Variants in ARSL observed in about 807,000 individuals in gnomAD.
ARSL encodes the protein arylsulfatase E (chondrodysplasia punctata 1).
A neutral mutation model predicts 31.1 loss-of-function variants in ARSL; 4 were observed. That is an observed-to-expected ratio of 0.13 (90% CI 0.06 to 0.29). The LOEUF (loss-of-function observed/expected upper bound fraction) is 0.29, where lower values mean the gene tolerates loss of function less well. Ranked by LOEUF, ARSL falls within the 10% of genes least tolerant of loss-of-function variation. The pLI is 1.00. For missense variants in ARSL, 312 were observed against 497.8 expected (o/e 0.63, Z 3.55); for synonymous variants, 198 against 209.9 (o/e 0.94, Z 0.49).
chrX:2,943,790 C>T (rs1248040334), intron 7 of ARSL, among the ~76,000 whole-genome samples: 1 of 100,234 alleles, frequency 1.0e-5, no homozygotes, highest in Admixed American at 1.1e-4. Context: ...TGTGAATATT[C>T]CTGAGAAGAA....
In ARSL at chrX:2,941,247, CTTTTTTTT is replaced by C. The variant is rs200569564; in HGVS notation, c.1126+1810_1126+1817del. Among the ~76,000 whole-genome samples the C allele has an allele frequency of 5.0e-5, 4 of 80,631 alleles. No individual in the cohort carries two copies. The Admixed American group carries it at 5.8e-4, about 12-fold the overall frequency. The allele number at this position is 80,631 out of a possible 115,157, so 70.0% of individuals were successfully genotyped here. A position where few individuals can be genotyped will look rare whatever the true frequency, so the allele number is the denominator to read the frequency against. On this transcript the variant is annotated intron_variant, in intron 8 of 10. Transcript: ENST00000381134. ...AAATAAGAACTTGGGTGTCCACAATCTTTTTTTTTTTTTTTTTTTTTTTTTGAGATGGA... is the reference window on the plus strand; with the variant it reads ...AAATAAGAACTTGGGTGTCCACAATCTTTTTTTTTTTTTTTTTGAGATGGA...
chrX:2,968,025 C>T (rs1603462679), upstream of ARSL: 6 of 855,867 alleles, frequency 7.0e-6, no homozygotes, highest in East Asian at 2.1e-4. Flanking sequence ...AAGCAAATTA[C>T]TTTTAAAACA....
At chrX:2,963,823 C>G (rs766187172) in intron 1 of ARSL, among the ~76,000 whole-genome samples, 22 of 109,016 alleles carry the variant, frequency 2.0e-4, no homozygotes, top group Admixed American at 6.0e-4. Flanking sequence ...GGATTACAGA[C>G]GTGAGCCACC....
chrX:2,959,815 G>C (rs2089579498), intron 2 of ARSL: 2 of 881,054 alleles, frequency 2.3e-6, no homozygotes, highest in Non-Finnish European at 3.0e-6. Flanking sequence ...GAGCACGTTG[G>C]GAGGCCAAGG....
intron 5 of ARSL, among the ~76,000 whole-genome samples, chrX:2,951,636 GAAA>G (rs1426945466): frequency 1.2e-5 from 1 of 86,685 alleles, no homozygotes; most frequent in Admixed American, 1.3e-4. Flanking sequence ...AAAAAAAAAA[GAAA>G]AAAAAGAAAA....
At chrX:2,959,908 A>T (rs2089581787) in intron 2 of ARSL, 2 of 288,293 alleles carry the variant, frequency 6.9e-6, no homozygotes, top group East Asian at 1.0e-4. Flanking sequence ...AAAGGAAAAA[A>T]AATAAAGAAG....
At chrX:2,956,988 G>A (rs188531482) in intron 3 of ARSL, among the ~76,000 whole-genome samples, 2,314 of 106,905 alleles carry the variant, frequency 0.022, 60 homozygotes, top group African/African-American at 0.074. Context: ...TTGGGAGGCT[G>A]AGGCAGGCAG....
upstream of ARSL, among the ~76,000 whole-genome samples, chrX:2,965,017 ATTGT>A (rs1051429066): frequency 2.7e-5 from 3 of 109,979 alleles, no homozygotes; most frequent in African/African-American, 6.6e-5. Flanking sequence ...AGGTGGAAAG[ATTGT>A]TTGAGCCTGG....
chrX:2,941,619 C>T (rs756225811), intron 8 of ARSL, among the ~76,000 whole-genome samples: 1 of 112,039 alleles, frequency 8.9e-6, no homozygotes, highest in Non-Finnish European at 1.9e-5. Flanking sequence ...AGAGAAACAA[C>T]GAATTGTCAA....
At chrX:2,948,921 G>T (rs1603462072) in intron 6 of ARSL, among the ~76,000 whole-genome samples, 2 of 110,116 alleles carry the variant, frequency 1.8e-5, no homozygotes, top group South Asian at 7.9e-4. Flanking sequence ...GTCAATTAAA[G>T]AAAACGACTT....
At chrX:2,955,753 G>A (rs1052406841) in intron 3 of ARSL, among the ~76,000 whole-genome samples, 3 of 112,170 alleles carry the variant, frequency 2.7e-5, no homozygotes, top group Non-Finnish European at 3.8e-5. Flanking sequence ...GGCTGGACGC[G>A]GTGGCTCATG....
intron 7 of ARSL, 56 bp downstream of exon 7, chrX:2,945,942 T>C: frequency 8.4e-7 from 1 of 1,196,762 alleles, no homozygotes; most frequent in Non-Finnish European, 1.1e-6. Context: ...TTTGTTTCCT[T>C]TCCTGCTTCT....
At chrX:2,967,463 G>A (rs1344717667), upstream of ARSL, among the ~76,000 whole-genome samples, 1 of 111,321 alleles carries the variant, frequency 9.0e-6, no homozygotes, top group Non-Finnish European at 1.9e-5. Flanking sequence ...GCTGGGCGCG[G>A]TGGCTCACAC....
intron 8 of ARSL, among the ~76,000 whole-genome samples, chrX:2,941,265 T>A (rs1386808206): frequency 1.6e-5 from 1 of 61,699 alleles, no homozygotes; most frequent in Non-Finnish European, 3.7e-5. Flanking sequence ...TTTTTTTTTT[T>A]TTTTTTTGAG....
chrX:2,948,996 C>T (rs1289474640), intron 6 of ARSL, among the ~76,000 whole-genome samples: 1 of 110,507 alleles, frequency 9.0e-6, no homozygotes, highest in Non-Finnish European at 1.9e-5. Flanking sequence ...GACCTCACCT[C>T]CCTGCAACCT....
intron 2 of ARSL, among the ~76,000 whole-genome samples, chrX:2,960,070 C>T (rs1160879740): frequency 1.9e-5 from 2 of 103,496 alleles, no homozygotes; most frequent in Non-Finnish European, 4.0e-5. Flanking sequence ...GAGATCGAGA[C>T]CATCCTGGCT....
chrX:2,959,891 A>G (rs1022570463), intron 2 of ARSL: 3 of 294,957 alleles, frequency 1.0e-5, no homozygotes, highest in African/African-American at 8.6e-5. Flanking sequence ...CCCTGTCTCT[A>G]TATAAGAAAG....
intron 8 of ARSL, among the ~76,000 whole-genome samples, chrX:2,939,864 CTTTTTTTT>C (rs35373572): frequency 1.8e-5 from 1 of 55,413 alleles, no homozygotes; most frequent in Non-Finnish European, 3.2e-5. Flanking sequence ...ACCCTTCTAC[CTTTTTTTT>C]TTTTTTTTTT....
intron 8 of ARSL, 117 bp downstream of exon 8, chrX:2,942,948 G>A (rs931028252): frequency 9.4e-7 from 1 of 1,060,733 alleles, no homozygotes; most frequent in Non-Finnish European, 1.3e-6. Flanking sequence ...CCCTGGATAG[G>A]AAAAATCACT....
Sources: allele counts gnomAD v4.1 joint callset (sites outside exome capture counted in the v4.1 genomes callset), GRCh38; gene constraint gnomAD v4.1.1; transcripts MANE v1.5; gene names NCBI Gene and HGNC (gene_info 2026-07-23, HGNC 2026-07-21).